FAM149A: variants seen among roughly 807,000 people sequenced by gnomAD.
The protein encoded by FAM149A is protein FAM149A.
A neutral mutation model predicts 78.2 loss-of-function variants in FAM149A; 71 were observed. The ratio of observed to expected loss-of-function variants is 0.91; its 90% CI spans 0.75 to 1.11. The LOEUF (loss-of-function observed/expected upper bound fraction) is 1.11. Ranked by LOEUF, FAM149A falls within the 50% of genes least tolerant of loss-of-function variation. The pLI is 0.00. For synonymous variants in FAM149A, 446 were observed against 410.5 expected (o/e 1.09, Z -1.04); for missense variants, 1,036 against 971.0 (o/e 1.07, Z -0.89).
chr4:186,146,365 C>T, intron 1 of FAM149A: 2 of 573,832 alleles, frequency 3.5e-6, no homozygotes, highest in Non-Finnish European at 4.4e-6. Flanking sequence ...TGTTACCCAA[C>T]TTCCCATTTC....
Position 186,154,698 on chromosome 4 carries a change from A to G in FAM149A, c.1229+60A>G, listed in dbSNP as rs111510184. The G allele has an allele frequency of 2.1e-5, 32 of 1,517,614 alleles. No individual in the cohort carries two copies. The African/African-American group carries it at 3.1e-4, about 15-fold the overall frequency. 94.0% of individuals were successfully genotyped at this position (1,517,614 alleles called of 1,614,324 possible). A position where few individuals can be genotyped will look rare whatever the true frequency, so the allele number is the denominator to read the frequency against. On this transcript the variant is annotated intron_variant, in intron 6 of 13. Coordinates refer to ENST00000389354, the MANE Select transcript of FAM149A (RefSeq NM_001367768.3). ...AATAATATTAATTTATTTGACATTT[A>G]TTGTTATCGTATGCTCATTAAGTGT...
At chr4:186,168,928 C>A (rs1437185617) in intron 13 of FAM149A, among the ~76,000 whole-genome samples, 1 of 152,108 alleles carries the variant, frequency 6.6e-6, no homozygotes, top group Non-Finnish European at 1.5e-5. Flanking sequence ...AGGAGATGAC[C>A]ATCACAAGGG....
At chr4:186,125,484 T>A (rs1579805437) in intron 1 of FAM149A, 1 of 400,312 alleles carries the variant, frequency 2.5e-6, no homozygotes, top group African/African-American at 2.2e-5. Flanking sequence ...AGGAAGATAG[T>A]CCGTCCGTCA....
intron 1 of FAM149A, among the ~76,000 whole-genome samples, chr4:186,135,610 A>G (rs959447030): frequency 3.9e-5 from 6 of 152,216 alleles, no homozygotes; most frequent in Admixed American, 3.9e-4. Context: ...ACTTGCTAAC[A>G]TTGAACTCAC....
In FAM149A at chr4:186,136,964, T is replaced by TCTCTC. The variant is rs2099323207; in HGVS notation, c.567-12209_567-12208insCTCTC. On this transcript the variant is annotated intron_variant, in intron 1 of 13. Transcript: ENST00000389354. ...TCTCTCTCTCTCTCTCTCTCTCTCTTTCTCTCTCTCTTTCTCTCTCTCTCT... is the reference window on the plus strand; with the variant it reads ...TCTCTCTCTCTCTCTCTCTCTCTCTTCTCTCTCTCTCTCTCTTTCTCTCTCTCTCT... Among the ~76,000 whole-genome samples the TCTCTC allele has an allele frequency of 6.3e-4, 61 of 97,068 alleles. 2 individuals are homozygous for TCTCTC. Among genetic ancestry groups the TCTCTC allele is most frequent in the African/African-American group, 2.4e-3 (54 of 22,464 alleles). The allele number at this position is 97,068 out of a possible 152,430, so 63.7% of individuals were successfully genotyped here.
intron 1 of FAM149A, among the ~76,000 whole-genome samples, chr4:186,138,780 G>A (rs1250921276): frequency 3.3e-5 from 5 of 152,262 alleles, no homozygotes; most frequent in Admixed American, 6.5e-5. Flanking sequence ...GCAAGGGTGC[G>A]TGTCAACATG....
intron 1 of FAM149A, among the ~76,000 whole-genome samples, chr4:186,121,863 C>G (rs1057403176): frequency 1.3e-5 from 2 of 152,164 alleles, no homozygotes; most frequent in East Asian, 3.9e-4. Flanking sequence ...ACATTTGGCT[C>G]TTGATATAAT....
chr4:186,171,684 C>T (rs1040863895), intron 13 of FAM149A, among the ~76,000 whole-genome samples: 2 of 152,150 alleles, frequency 1.3e-5, no homozygotes, highest in African/African-American at 4.8e-5. Flanking sequence ...TCCACCAGCT[C>T]GGGAGGACGC....
chr4:186,138,616 T>C (rs2099324504), intron 1 of FAM149A, among the ~76,000 whole-genome samples: 1 of 152,190 alleles, frequency 6.6e-6, no homozygotes, highest in African/African-American at 2.4e-5. Context: ...TTTCTTGTTT[T>C]GATGATCACG....
chr4:186,129,026 T>C (rs1000467544), intron 1 of FAM149A, among the ~76,000 whole-genome samples: 2 of 151,998 alleles, frequency 1.3e-5, no homozygotes, highest in African/African-American at 4.8e-5. Flanking sequence ...TGTGCCTGCA[T>C]CTCTGTGTGT....
At chr4:186,143,149 C>CTTTTTTTTTTTTTTTTT (rs141403092) in intron 1 of FAM149A, among the ~76,000 whole-genome samples, 1 of 85,038 alleles carries the variant, frequency 1.2e-5, no homozygotes, top group Non-Finnish European at 2.4e-5. Flanking sequence ...TCGATTTTTA[C>CTTTTTTTTTTTTTTTTT]TTTTTTTTTT....
chr4:186,170,540 A>T (rs964141792), intron 13 of FAM149A, among the ~76,000 whole-genome samples: 1 of 152,104 alleles, frequency 6.6e-6, no homozygotes, highest in Non-Finnish European at 1.5e-5. Context: ...CCCGCCTAGA[A>T]CCAGCCAGGC....
intron 1 of FAM149A, among the ~76,000 whole-genome samples, chr4:186,137,558 G>C (rs2126395660): frequency 6.6e-6 from 1 of 151,818 alleles, no homozygotes; most frequent in South Asian, 2.1e-4. Context: ...TTGCAAAAAA[G>C]AAACCATAAA....
intron 1 of FAM149A, chr4:186,126,876 G>C (rs1195666579): frequency 1.0e-6 from 1 of 984,964 alleles, no homozygotes; most frequent in Non-Finnish European, 1.2e-6. Flanking sequence ...CAATACAGGG[G>C]GAGGAAGAGA....
chr4:186,137,000 C>CTCTCTCTCTCTCTCTT (rs1561396555), intron 1 of FAM149A, among the ~76,000 whole-genome samples: 3 of 136,942 alleles, frequency 2.2e-5, no homozygotes, highest in African/African-American at 8.6e-5. Flanking sequence ...CTCTCTCTCT[C>CTCTCTCTCTCTCTCTT]TCTCTCTCTC....
chr4:186,117,657 G>A, intron 1 of FAM149A: 1 of 985,234 alleles, frequency 1.0e-6, no homozygotes, highest in Non-Finnish European at 1.2e-6. Context: ...GTTGTGAAAA[G>A]CGTTAAAACT....
rs930233885 is a variant in FAM149A, at chr4:186,136,998, C to T, written c.567-12175C>T. ...TCTTTCTCTCTCTCTCTCTCTCTCT[C>T]TCTCTCTCTCTCTCTCTCTCTAAGT... On this transcript the variant is annotated intron_variant, in intron 1 of 13. Transcript: ENST00000389354. 7.3e-4 allele frequency among the ~76,000 whole-genome samples: 102 copies of T among 139,018 alleles called. 1 individual carries two copies. The highest frequency in any genetic ancestry group is 1.9e-3 in the African/African-American group (71 of 37,774). The allele number at this position is 139,018 out of a possible 152,430, so 91.2% of individuals were successfully genotyped here. A position where few individuals can be genotyped will look rare whatever the true frequency, so the allele number is the denominator to read the frequency against.
At chr4:186,162,810 C>CTTTTTTTTT (rs56973296) in intron 8 of FAM149A, 35 bp from the exon 9 acceptor site, 251 of 563,076 alleles carry the variant, frequency 4.5e-4, no homozygotes, top group South Asian at 1.4e-3. Flanking sequence ...ATTTGTAATT[C>CTTTTTTTTT]TTTTTTTTTT....
rs753150541 is a variant in FAM149A, at chr4:186,158,091, A to G, written c.1575+372A>G. 18 of 1,344,450 alleles carry G rather than the reference A, an allele frequency of 1.3e-5. No individual in the cohort carries two copies. In the East Asian group the frequency reaches 5.8e-4, roughly 44 times the overall value. The allele number at this position is 1,344,450 out of a possible 1,614,324, so 83.3% of individuals were successfully genotyped here. On this transcript the variant is annotated intron_variant, in intron 8 of 13. Coordinates refer to ENST00000389354, the MANE Select transcript of FAM149A (RefSeq NM_001367768.3). ...GAAGCTGCTGCTGGCAGCTCGTGCC[A>G]TTGTTGCTGTTGAACCCTGCTGAGG...
Sources: allele counts gnomAD v4.1 joint callset (sites outside exome capture counted in the v4.1 genomes callset), GRCh38; gene constraint gnomAD v4.1.1; transcripts MANE v1.5; gene names NCBI Gene and HGNC (gene_info 2026-07-23, HGNC 2026-07-21).